EHMT1: variants seen among roughly 807,000 people sequenced by gnomAD.
EHMT1 encodes the protein euchromatic histone lysine methyltransferase 1.
Under a neutral mutation model 147.2 loss-of-function variants are expected in EHMT1, and 15 were observed. The ratio of observed to expected loss-of-function variants is 0.10; its 90% confidence interval spans 0.07 to 0.16. The LOEUF is 0.16. Ranked by LOEUF, EHMT1 falls within the 10% of genes least tolerant of loss-of-function variation. The probability of loss-of-function intolerance (pLI) is 1.00; values close to 1 mark genes in which losing one functional copy is unlikely to be tolerated. For missense variants in EHMT1, 1,587 were observed against 1,772.4 expected, an observed-to-expected ratio of 0.90 and a Z score of 1.88; for synonymous variants, 795 against 709.6, an observed-to-expected ratio of 1.12 and a Z score of -1.91.
At chr9:137,704,146 T>G (rs528266381) in intron 1 of EHMT1, among the ~76,000 whole-genome samples, 2 of 152,298 alleles carry the variant, frequency 1.3e-5, no homozygotes, top group East Asian at 3.9e-4. Flanking sequence ...GCCCCCATGA[T>G]CCAGTTACCT....
chr9:137,761,977 G>A (rs887320444), intron 9 of EHMT1, among the ~76,000 whole-genome samples: 2 of 152,160 alleles, frequency 1.3e-5, no homozygotes, highest in Non-Finnish European at 1.5e-5. Flanking sequence ...GGCCTTGCCC[G>A]TCTCTCCCAT....
chr9:137,668,860 CTGTTT>C (rs1339433825), intron 1 of EHMT1, among the ~76,000 whole-genome samples: 6 of 152,072 alleles, frequency 3.9e-5, no homozygotes, highest in Non-Finnish European at 7.4e-5. Context: ...TGGTGACTGT[CTGTTT>C]TAAGTACTGG....
intron 1 of EHMT1, 148 bp from the exon 2 acceptor site, chr9:137,710,819 G>A: frequency 5.1e-6 from 4 of 781,280 alleles, no homozygotes; most frequent in Non-Finnish European, 6.0e-6. Flanking sequence ...GGAGGCGACT[G>A]TAACCAGCTG....
In EHMT1 at chr9:137,744,322, T is replaced by C. The variant is rs148235146; in HGVS notation, c.1170+232T>C. On this transcript the variant is annotated intron_variant, in intron 6 of 26. Transcript: ENST00000460843. ...GTAAACCTCTTTTTTTTTTCTGTGT[T>C]TTCTTTCTTTCTTTTTTTTGAGACA... Among the ~76,000 whole-genome samples, 644 of 152,210 alleles carry C rather than the reference T, an allele frequency of 4.2e-3. 2 individuals carry two copies. The highest frequency in any genetic ancestry group is 0.015 in the African/African-American group (614 of 41,534).
At chr9:137,802,767 G>T in intron 18 of EHMT1, 1 of 1,218,410 alleles carries the variant, frequency 8.2e-7, no homozygotes, top group Non-Finnish European at 1.0e-6. Context: ...CTGAGCTGCA[G>T]TGCCTCCTCC....
At chr9:137,817,306 G>T in intron 23 of EHMT1, 133 bp from the exon 24 acceptor site, 1 of 981,624 alleles carries the variant, frequency 1.0e-6, no homozygotes, top group East Asian at 2.6e-5. Context: ...GGTGCCTGCA[G>T]CATCGAACGC....
intron 3 of EHMT1, among the ~76,000 whole-genome samples, chr9:137,720,923 G>C (rs77532514): frequency 0.018 from 2,741 of 152,180 alleles, 72 homozygotes; most frequent in African/African-American, 0.062. Context: ...ATTGAACGAG[G>C]AAATTGCTGA....
At chr9:137,668,927 C>G (rs1048197500) in intron 1 of EHMT1, among the ~76,000 whole-genome samples, 7 of 152,174 alleles carry the variant, frequency 4.6e-5, no homozygotes, top group Non-Finnish European at 4.4e-5. Flanking sequence ...CGCTCTGTCC[C>G]CCAGGCTGGA....
chr9:137,730,782 G>C (rs1947041117), intron 4 of EHMT1, among the ~76,000 whole-genome samples: 1 of 152,240 alleles, frequency 6.6e-6, no homozygotes, highest in African/African-American at 2.4e-5. Context: ...TGGATGGTCT[G>C]CTTACCTTGC....
chr9:137,742,644 G>A (rs1466121713), intron 4 of EHMT1, among the ~76,000 whole-genome samples: 1 of 152,082 alleles, frequency 6.6e-6, no homozygotes, highest in Admixed American at 6.5e-5. Flanking sequence ...CCCCTTCCTC[G>A]CTGCTGCTCT....
chr9:137,716,739 G>C lies in EHMT1; in HGVS notation c.199G>C (p.Ala67Pro), dbSNP rs764527438. The change falls in exon 3 of 27, where the codon GCA becomes CCA. Residue 67 changes from alanine (A) to proline (P), a missense_variant. Ala to Pro is a conservative substitution (Grantham distance 27, BLOSUM62 -1). Coordinates refer to ENST00000460843, the MANE Select transcript of EHMT1 (RefSeq NM_024757.5). ...SCENSDASSHANAAKHTQDSA... is the reference protein window; with the variant it reads ...SCENSDASSHPNAAKHTQDSA... ...TGAAAACAGCGATGCCAGCAGTCAT[G>C]CAAATGCTGCAAAGCACACTCAGGA... The C allele has an allele frequency of 5.0e-6, 8 of 1,612,566 alleles. No individual in the cohort carries two copies. Among genetic ancestry groups the C allele is most frequent in the South Asian group, 2.2e-5 (2 of 91,092 alleles).
chr9:137,690,592 CAG>C (rs1474355807), intron 1 of EHMT1, among the ~76,000 whole-genome samples: 1 of 151,048 alleles, frequency 6.6e-6, no homozygotes, highest in Admixed American at 6.6e-5. Flanking sequence ...TTTTTTGAGA[CAG>C]AGTCTTGCTG....
intron 13 of EHMT1, among the ~76,000 whole-genome samples, chr9:137,779,097 C>G (rs1383977139): frequency 1.3e-5 from 2 of 152,228 alleles, no homozygotes; most frequent in Non-Finnish European, 2.9e-5. Context: ...CTGGAGGTCA[C>G]ATTTCAACGT....
chr9:137,816,301 G>T, intron 23 of EHMT1: 1 of 579,660 alleles, frequency 1.7e-6, no homozygotes, highest in Non-Finnish European at 3.2e-6. Context: ...CAGGTTGTTG[G>T]GTCAGTCCAG....
Position 137,782,335 on chromosome 9 carries a change from C to T in EHMT1, c.2320C>T (p.Arg774Cys). 1 of 1,613,454 alleles carries T rather than the reference C, an allele frequency of 6.2e-7. No homozygotes were observed. The highest frequency in any genetic ancestry group is 8.5e-7 in the Non-Finnish European group (1 of 1,179,924). The stretch of plus-strand genomic sequence containing the variant: ...CTTCAAAATGGAGCACCAGAATAAG[C>T]GCTCTCCACTGCACGCCGCGGCAGA... ...PNFKMEHQNK[R>C]SPLHAAAEAG... The change falls in exon 15 of 27, where the codon CGC (arginine) becomes TGC (cysteine). Residue 774 changes from arginine (R) to cysteine (C), a missense_variant. Physicochemically the swap from Arg to Cys is radical, Grantham distance 180. Transcript: ENST00000460843. This position sits in a 1 kb window ranked among gnomAD's most constrained non-coding sequence, Gnocchi z 5.7.
intron 18 of EHMT1, among the ~76,000 whole-genome samples, chr9:137,801,202 G>A (rs577477090): frequency 1.4e-4 from 21 of 152,302 alleles, no homozygotes; most frequent in East Asian, 3.9e-4. Context: ...AGGGATCTGC[G>A]GGTTCAGAGG....
In EHMT1 at chr9:137,775,225, T is replaced by C. The variant is rs766795571; in HGVS notation, c.1764T>C (p.Cys588=). ...HRGRMVKHQC[C]PGCGYFCTAG... ...GCCGCATGGTGAAGCACCAGTGCTG[T>C]CCTGGCTGTGGCTACTTCTGCACAG... Residue 588 remains cysteine (C), a synonymous_variant, in exon 11 of 27, where the codon TGT becomes TGC. Transcript: ENST00000460843. This position sits in a 1 kb window ranked among gnomAD's most constrained non-coding sequence, Gnocchi z 6.1. 2.5e-6 allele frequency: 4 copies of C among 1,612,938 alleles called. No homozygotes were observed. Among genetic ancestry groups the C allele is most frequent in the South Asian group, 1.1e-5 (1 of 91,078 alleles).
chr9:137,665,157 C>T (rs547189558), intron 1 of EHMT1, among the ~76,000 whole-genome samples: 92 of 152,224 alleles, frequency 6.0e-4, no homozygotes, highest in South Asian at 2.5e-3. Flanking sequence ...TGCAGTTTGC[C>T]TGGAACCTGA....
intron 1 of EHMT1, among the ~76,000 whole-genome samples, chr9:137,658,254 G>A (rs1395823930): frequency 1.3e-5 from 2 of 152,130 alleles, no homozygotes; most frequent in African/African-American, 4.8e-5. Flanking sequence ...GGGTTCAAGT[G>A]ATTCTTGTGC....
Sources: gnomAD v4.1 joint callset for allele counts (sites outside exome capture counted in the v4.1 genomes callset) on GRCh38, gnomAD v4.1.1 for gene constraint, Gnocchi (gnomAD v3.1) non-coding constraint, MANE v1.5 for transcripts, NCBI Gene and HGNC (gene_info 2026-07-23, HGNC 2026-07-21) for gene names.